The following SGSH variants were observed in gnomAD, a reference collection of about 807,000 sequenced individuals.
SGSH encodes heparan sulfate sulfatase.
SGSH carries 48 observed loss-of-function variants against 51.0 expected under a neutral mutation model. The ratio of observed to expected loss-of-function variants is 0.94; its 90% CI spans 0.75 to 1.20. The LOEUF (loss-of-function observed/expected upper bound fraction) is 1.20. SGSH is among the 50% of genes most tolerant of loss of function. The pLI is 0.00. For synonymous variants in SGSH, 321 were observed against 313.4 expected, an observed-to-expected ratio of 1.02 and a Z score of -0.26; for missense variants, 662 against 717.8, an observed-to-expected ratio of 0.92 and a Z score of 0.89.
intron 5 of SGSH, 97 bp downstream of exon 5, chr17:80,214,072 TTTC>T (rs1567921721): frequency 1.4e-6 from 2 of 1,475,730 alleles, no homozygotes; most frequent in Non-Finnish European, 1.9e-6. Context: ...TCAGAGCCTC[TTTC>T]TTCATCATCT....
Position 80,210,816 on chromosome 17 carries a change from C to T in SGSH, c.1145G>A (p.Arg382Gln), listed in dbSNP as rs779661554. ...MSYPMRSVQH[R>Q]HFRLVHNLNF... is the part of the protein sequence containing the mutation. Reference sequence around the variant, plus strand: ...GAGGTTGTGCACGAGGCGGAAGTGCCGGTGCTGCACGGAGCGCATGGGGTA... The same window carrying T: ...GAGGTTGTGCACGAGGCGGAAGTGCTGGTGCTGCACGGAGCGCATGGGGTA... Residue 382 changes from arginine to glutamine, a missense_variant, in exon 8 of 8, where the codon CGG becomes CAG. Transcript: ENST00000326317. 20 of 1,613,840 alleles carry T rather than the reference C, an allele frequency of 1.2e-5. No individual in the cohort carries two copies. The highest frequency in any genetic ancestry group is 5.5e-5 in the South Asian group (5 of 91,080).
At chr17:80,207,719 G>A (rs1159062812), downstream of SGSH, 1 of 181,370 alleles carries the variant, frequency 5.5e-6, no homozygotes, top group Non-Finnish European at 1.1e-5. Flanking sequence ...GAAATTTAAA[G>A]TTGTAAATTA....
At chr17:80,206,935 G>A, downstream of SGSH, 1 of 1,530,594 alleles carries the variant, frequency 6.5e-7, no homozygotes, top group Non-Finnish European at 9.0e-7. Context: ...TGAGGCCTGT[G>A]ATCTTGACTC....
At chr17:80,202,334 G>C, downstream of SGSH, 1 of 1,613,664 alleles carries the variant, frequency 6.2e-7, no homozygotes, top group Non-Finnish European at 8.5e-7. Context: ...CCATGTTCCA[G>C]GGCTGCGGCT....
chr17:80,213,426 T>G lies in SGSH; in HGVS notation c.745+378A>C. 2 of 263,952 alleles carry G rather than the reference T, an allele frequency of 7.6e-6. No homozygotes were observed. Among genetic ancestry groups the G allele is most frequent in the Non-Finnish European group, 7.4e-6 (1 of 135,796 alleles). 16.4% of individuals were successfully genotyped at this position (263,952 alleles called of 1,614,324 possible). A position where few individuals can be genotyped will look rare whatever the true frequency, so the allele number is the denominator to read the frequency against. The stretch of plus-strand genomic sequence containing the variant: ...CTTCTGGCCTCCTGAACTGTGGGAG[T>G]ACAAATTTTGGTTGCTGTAAGCCAT... On this transcript the variant is annotated intron_variant, in intron 6 of 7. Coordinates refer to ENST00000326317, the MANE Select transcript of SGSH (RefSeq NM_000199.5). This position sits in a 1 kb window ranked among gnomAD's most constrained non-coding sequence, Gnocchi z 4.6.
chr17:80,215,687 C>T (rs188843632), intron 2 of SGSH, among the ~76,000 whole-genome samples: 7 of 152,154 alleles, frequency 4.6e-5, no homozygotes, highest in South Asian at 2.1e-4. Context: ...GGCGTGGTGG[C>T]GGGCGCCTGT....
chr17:80,213,677 G>C lies in SGSH; in HGVS notation c.745+127C>G. 1.2e-6 allele frequency: 1 copy of C among 857,756 alleles called. No individual in the cohort carries two copies. Among genetic ancestry groups the C allele is most frequent in the Non-Finnish European group, 1.9e-6 (1 of 539,194 alleles). 53.1% of individuals were successfully genotyped at this position (857,756 alleles called of 1,614,324 possible). ...CCTCCTCTCAATGTGGGCTCTGCCA[G>C]CTGCAGCACAGGGCCTGCCACACTG... On this transcript the variant is annotated intron_variant, in intron 6 of 7. Transcript: ENST00000326317. This position sits in a 1 kb window ranked among gnomAD's most constrained non-coding sequence, Gnocchi z 4.6.
downstream of SGSH, chr17:80,205,308 C>T: frequency 8.3e-7 from 1 of 1,202,600 alleles, no homozygotes; most frequent in Non-Finnish European, 1.2e-6. Context: ...CTTCCCTCCC[C>T]CACCACGCAC....
chr17:80,214,131 G>A, intron 5 of SGSH, 41 bp downstream of exon 5: 1 of 1,582,044 alleles, frequency 6.3e-7, no homozygotes, highest in Admixed American at 1.9e-5. Flanking sequence ...CCCCGACCCA[G>A]GGCTGACGGG....
rs771397375 is a variant in SGSH, at chr17:80,217,083, C to A, written c.198G>T (p.Ser66=). 3.1e-6 allele frequency: 5 copies of A among 1,600,216 alleles called. No individual in the cohort carries two copies. The highest frequency in any genetic ancestry group is 1.7e-5 in the Admixed American group (1 of 57,634). Residue 66 remains serine (S), a synonymous_variant, in exon 2 of 8, where the codon TCG becomes TCT. Coordinates refer to ENST00000326317, the MANE Select transcript of SGSH (RefSeq NM_000199.5). ...RSLLFRNAFT[S]VSSCSPSRAS... ...CGCGGCTGGGAGAGCAGCTGCTGAC[C>A]GAGGTGAAGGCATTGCGAAAGAGGA...
At chr17:80,201,681 C>T in the SGSH span, 1 of 1,599,178 alleles carries the variant, frequency 6.3e-7, no homozygotes, top group Non-Finnish European at 8.6e-7. The surrounding 1 kb of genome is among the most constrained non-coding windows in gnomAD (Gnocchi z 5.0). Context: ...TCAGCGCCTT[C>T]TGTCTTCTGG....
Position 80,210,145 on chromosome 17 carries a change from G to A in SGSH, c.*307C>T. The A allele has an allele frequency of 7.7e-7, 1 of 1,297,368 alleles. No individual in the cohort carries two copies. Among genetic ancestry groups the A allele is most frequent in the Non-Finnish European group, 9.8e-7 (1 of 1,015,940 alleles). 80.4% of individuals were successfully genotyped at this position (1,297,368 alleles called of 1,614,324 possible). On this transcript the variant is annotated 3_prime_UTR_variant, in exon 8 of 8. Transcript: ENST00000326317. ...TGTCATGGGCTGGGGGCGCTGCCCT[G>A]TCCGCAGACCACGTATGTCTAGAAT...
At chr17:80,216,883 C>A in intron 2 of SGSH, 149 bp downstream of exon 2, 2 of 769,994 alleles carry the variant, frequency 2.6e-6, no homozygotes, top group Non-Finnish European at 4.2e-6. Flanking sequence ...GCACTCACAG[C>A]CATAGGCTGT....
At chr17:80,215,282 G>A (rs1330595462) in intron 2 of SGSH, 144 bp from the exon 3 acceptor site, 1 of 691,524 alleles carries the variant, frequency 1.4e-6, no homozygotes, top group South Asian at 1.5e-5. Flanking sequence ...CAGAGACACT[G>A]GCTGTACCTC....
rs376296818 is a variant in SGSH at position 80,210,516 on chromosome 17, G to A, written c.1445C>T (p.Ala482Val). The A allele has an allele frequency of 5.6e-6, 9 of 1,609,778 alleles. No individual in the cohort carries two copies. Among genetic ancestry groups the A allele is most frequent in the Non-Finnish European group, 7.6e-6 (9 of 1,179,574 alleles). ...QWETHDPWVC[A>V]PDGVLEEKLS... ...CTTCTCCTCCAGGACGCCGTCGGGGGCGCACACCCAGGGGTCGTGGGTCTC... is the reference window on the plus strand; with the variant it reads ...CTTCTCCTCCAGGACGCCGTCGGGGACGCACACCCAGGGGTCGTGGGTCTC... The change falls in exon 8 of 8, where the codon GCC becomes GTC. Residue 482 changes from alanine (A) to valine (V), a missense_variant. By Grantham distance (64) the Ala-to-Val change is moderately conservative. Transcript: ENST00000326317.
chr17:80,208,287 G>A (rs748377540), downstream of SGSH: 81 of 1,601,164 alleles, frequency 5.1e-5, no homozygotes, highest in Non-Finnish European at 6.6e-5. Context: ...AGCTGTGTCC[G>A]CCAGGCCATC....
At chr17:80,207,448 G>A (rs2041392526), downstream of SGSH, 1 of 177,126 alleles carries the variant, frequency 5.6e-6, no homozygotes, top group Non-Finnish European at 1.2e-5. Flanking sequence ...CTACTCGGGA[G>A]GCTGAGACAT....
chr17:80,202,145 G>A (rs749404518), downstream of SGSH: 2 of 1,565,256 alleles, frequency 1.3e-6, no homozygotes, highest in African/African-American at 1.4e-5. Context: ...GCTCGTATCT[G>A]TGGCTCATCT....
chr17:80,214,202 G>C lies in SGSH; in HGVS notation c.633C>G (p.Thr211=). ...ESGMGRIPDW[T]PQAYDPLDVL... ...CGTCCAGTGGGTCGTAGGCCTGGGG[G>C]GTCCAGTCTGGGATACGACCCATGC... Residue 211 remains threonine (T), a synonymous_variant, in exon 5 of 8, where the codon ACC becomes ACG. Coordinates refer to ENST00000326317, the MANE Select transcript of SGSH (RefSeq NM_000199.5). The C allele has an allele frequency of 6.2e-7, 1 of 1,611,960 alleles. No homozygotes were observed. The highest frequency in any genetic ancestry group is 8.5e-7 in the Non-Finnish European group (1 of 1,179,670).
Sources: gnomAD v4.1 joint callset for allele counts (sites outside exome capture counted in the v4.1 genomes callset) on GRCh38, gnomAD v4.1.1 for gene constraint, Gnocchi (gnomAD v3.1) non-coding constraint, MANE v1.5 for transcripts, NCBI Gene and HGNC (gene_info 2026-07-23, HGNC 2026-07-21) for gene names.